EHMT1: variants seen among roughly 807,000 people sequenced by gnomAD.
EHMT1 encodes euchromatic histone lysine methyltransferase 1.
In EHMT1, 15 loss-of-function variants were observed where a neutral mutation model predicts 147.2. The observed-to-expected ratio is 0.10, with a 90% CI of 0.07 to 0.16. The LOEUF is 0.16. Among genes scored for constraint, EHMT1 ranks in the 10% least tolerant of loss-of-function variants. The pLI is 1.00. For missense variants in EHMT1, 1,587 were observed against 1,772.4 expected (o/e 0.90, Z 1.88); for synonymous variants, 795 against 709.6 (o/e 1.12, Z -1.91).
At chr9:137,648,317 C>G (rs1370185786) in intron 1 of EHMT1, among the ~76,000 whole-genome samples, 2 of 152,044 alleles carry the variant, frequency 1.3e-5, no homozygotes, top group African/African-American at 4.8e-5. Context: ...AAAACACAGA[C>G]AGTGAAATTC....
rs33999936 is a variant in EHMT1, at chr9:137,813,154, G to C, written c.3016G>C (p.Val1006Leu). Residue 1006 changes from valine (V) to leucine (L), a missense_variant, in exon 20 of 27, where the codon GTG becomes CTG. Coordinates refer to ENST00000460843, the MANE Select transcript of EHMT1 (RefSeq NM_024757.5). The surrounding 1 kb of genome is among the most constrained non-coding windows in gnomAD (Gnocchi z 4.9). ...QDSAPDRPSP[V>L]ERIVSRDIAR... ...CTCGGCCCCCGACAGGCCCAGCCCC[G>C]TGGAGAGGATAGTGAGCAGGTGAGC... The C allele has an allele frequency of 1.9e-6, 3 of 1,610,686 alleles. No individual in the cohort carries two copies. The highest frequency in any genetic ancestry group is 2.2e-5 in the South Asian group (2 of 91,070).
intron 14 of EHMT1, among the ~76,000 whole-genome samples, chr9:137,780,202 A>G (rs868864407): frequency 5.9e-4 from 77 of 130,762 alleles, no homozygotes; most frequent in African/African-American, 2.7e-3. Context: ...GATGACGCTG[A>G]GATGTGTGGT....
intron 19 of EHMT1, among the ~76,000 whole-genome samples, chr9:137,812,019 C>G (rs993890275): frequency 7.9e-5 from 12 of 152,154 alleles, no homozygotes; most frequent in Non-Finnish European, 1.3e-4. Flanking sequence ...GGCTGTGGCA[C>G]TCGCCACTCA....
Position 137,716,988 on chromosome 9 carries a change from C to A in EHMT1, c.448C>A (p.His150Asn). ...CACTCTGGCCTCTTCGCTGCCTGGC[C>A]ATGCTGCAAAAACCCTTCCTGGAGG... ...TSTLASSLPG[H>N]AAKTLPGGAG... The change falls in exon 3 of 27, where the codon CAT becomes AAT. Residue 150 changes from histidine to asparagine, a missense_variant. Around this residue, in one of 7 missense-constraint regions of EHMT1, gnomAD observed 810 missense variants for 673.0 expected, o/e 1.20. Coordinates refer to ENST00000460843, the MANE Select transcript of EHMT1 (RefSeq NM_024757.5). 5 of 1,608,966 alleles carry A rather than the reference C, an allele frequency of 3.1e-6. No homozygotes were observed. Among genetic ancestry groups the A allele is most frequent in the Non-Finnish European group, 4.2e-6 (5 of 1,176,738 alleles).
In EHMT1 at chr9:137,818,651, C is replaced by T. The variant is rs78465826; in HGVS notation, c.3540+513C>T. ...ACTGAGGGGCGCCGTGTACCGAGAC[C>T]GTAGAGAGGCCGACTGAGGGGCGCC... On this transcript the variant is annotated intron_variant, in intron 25 of 26. Transcript: ENST00000460843. Among the ~76,000 whole-genome samples the T allele has an allele frequency of 1.6e-3, 49 of 30,098 alleles. 1 individual carries two copies. The highest frequency in any genetic ancestry group is 0.016 in the Middle Eastern group (1 of 64). The allele number at this position is 30,098 out of a possible 152,430, so 19.7% of individuals were successfully genotyped here.
chr9:137,768,240 A>G lies in EHMT1; in HGVS notation c.1647+5420A>G, dbSNP rs1404760793. Among the ~76,000 whole-genome samples the G allele has an allele frequency of 2.6e-5, 4 of 151,860 alleles. No individual in the cohort carries two copies. The East Asian group carries it at 7.7e-4, about 29-fold the overall frequency. On this transcript the variant is annotated intron_variant, in intron 10 of 26. Transcript: ENST00000460843. The stretch of plus-strand genomic sequence containing the variant: ...CCCTTTGTTAAGTTGATATATTTAG[A>G]TTATCTCCATTTAATGTAAGTATTA...
intron 1 of EHMT1, among the ~76,000 whole-genome samples, chr9:137,654,718 G>T (rs938055094): frequency 6.6e-6 from 1 of 152,200 alleles, no homozygotes; most frequent in African/African-American, 2.4e-5. Context: ...ATGCCTGAAG[G>T]CTTGAGTAAA....
chr9:137,754,107 T>G (rs1949197061), intron 7 of EHMT1, 64 bp from the exon 8 acceptor site: 7 of 1,612,208 alleles, frequency 4.3e-6, no homozygotes, highest in Non-Finnish European at 5.1e-6. Context: ...ACACTTGTAG[T>G]GCTCTTGCCT....
chr9:137,714,312 T>C (rs1383017011), intron 2 of EHMT1, among the ~76,000 whole-genome samples: 1 of 152,206 alleles, frequency 6.6e-6, no homozygotes, highest in Non-Finnish European at 1.5e-5. Context: ...AAGTTTTCTT[T>C]TCTTAGCAAA....
intron 23 of EHMT1, chr9:137,816,278 A>G (rs1025939173): frequency 8.2e-6 from 5 of 612,002 alleles, no homozygotes; most frequent in Non-Finnish European, 1.2e-5. Context: ...AGACTTCGGC[A>G]TGAGAGAAGG....
chr9:137,700,450 T>G (rs1294278985), intron 1 of EHMT1, among the ~76,000 whole-genome samples: 1 of 152,236 alleles, frequency 6.6e-6, no homozygotes, highest in Non-Finnish European at 1.5e-5. Flanking sequence ...GCCACATCAG[T>G]GCCTTAGACA....
intron 1 of EHMT1, among the ~76,000 whole-genome samples, chr9:137,691,150 A>C (rs941743953): frequency 1.3e-5 from 2 of 151,866 alleles, no homozygotes; most frequent in Non-Finnish European, 2.9e-5. Flanking sequence ...TCCTGTCTCT[A>C]AGACTTGGAC....
At chr9:137,815,668 G>A (rs1374791013) in intron 22 of EHMT1, 1 of 472,928 alleles carries the variant, frequency 2.1e-6, no homozygotes, top group East Asian at 4.2e-5. Context: ...CCCAGGCTGG[G>A]GGCTGGGAAG....
At chr9:137,700,700 A>G (rs1943756748) in intron 1 of EHMT1, among the ~76,000 whole-genome samples, 1 of 152,128 alleles carries the variant, frequency 6.6e-6, no homozygotes, top group Non-Finnish European at 1.5e-5. Context: ...ATGCTTAGGT[A>G]CTGTTCTAAT....
At chr9:137,823,929 T>C (rs1955636305) in intron 25 of EHMT1, among the ~76,000 whole-genome samples, 1 of 152,254 alleles carries the variant, frequency 6.6e-6, no homozygotes, top group South Asian at 2.1e-4. Flanking sequence ...CTGACTCTGA[T>C]GTACATATAA....
At chr9:137,818,627 C>T (rs77690131) in intron 25 of EHMT1, among the ~76,000 whole-genome samples, 56 of 38,008 alleles carry the variant, frequency 1.5e-3, no homozygotes, top group East Asian at 6.1e-3. Flanking sequence ...GAGAGGCCGA[C>T]TGAGGGGCGC....
chr9:137,799,751 G>A (rs1210442593), intron 17 of EHMT1, among the ~76,000 whole-genome samples: 3 of 152,226 alleles, frequency 2.0e-5, no homozygotes, highest in African/African-American at 7.2e-5. Context: ...GTGCCCTCTT[G>A]GCTGTGGCAG....
chr9:137,718,830 A>G (rs565241593), intron 3 of EHMT1, among the ~76,000 whole-genome samples: 1 of 147,300 alleles, frequency 6.8e-6, no homozygotes, highest in Non-Finnish European at 1.5e-5. Flanking sequence ...ATCTCAGCTC[A>G]CTATAACCCC....
At chr9:137,803,636 C>A (rs990299808) in intron 18 of EHMT1, among the ~76,000 whole-genome samples, 1 of 152,058 alleles carries the variant, frequency 6.6e-6, no homozygotes, top group African/African-American at 2.4e-5. Context: ...CTTGATTAAA[C>A]CCCTGGGAGT....
Sources: gnomAD v4.1 joint callset for allele counts (sites outside exome capture counted in the v4.1 genomes callset) on GRCh38, gnomAD v4.1.1 for gene constraint, gnomAD v4.1.1 regional missense constraint, Gnocchi (gnomAD v3.1) non-coding constraint, MANE v1.5 for transcripts, NCBI Gene and HGNC (gene_info 2026-07-23, HGNC 2026-07-21) for gene names.